Variants in PGBD5 observed in about 807,000 individuals in gnomAD.
PGBD5 encodes the protein piggyBac transposable element-derived protein 5.
A neutral mutation model predicts 47.9 loss-of-function variants in PGBD5; 14 were observed. That is an observed-to-expected ratio of 0.29 (90% CI 0.19 to 0.46). The LOEUF is 0.46. PGBD5 is among the 20% of genes least tolerant of loss of function. The pLI is 1.00. For missense variants in PGBD5, 635 were observed against 716.0 expected (o/e 0.89, Z 1.29); for synonymous variants, 316 against 306.3 (o/e 1.03, Z -0.33).
rs1381814847 is a variant in PGBD5, at chr1:230,314,939, C to G, written c.*8486G>C. ...CGGATTTCCTCATCATCAATGGCGG[C>G]TCTCCTGAACTAGGGATGAGTGTGA... On this transcript the variant is annotated 3_prime_UTR_variant, in exon 7 of 7. Coordinates refer to ENST00000391860, the MANE Select transcript of PGBD5 (RefSeq NM_001258311.2). The G allele has an allele frequency of 1.3e-5, 2 of 151,946 alleles. No homozygotes were observed. The allele number at this position is 151,946 out of a possible 1,614,324, so 9.4% of individuals were successfully genotyped here.
chr1:230,377,776 C>T (rs1037849887), intron 1 of PGBD5: 188 of 1,233,880 alleles, frequency 1.5e-4, no homozygotes, highest in East Asian at 6.5e-4. Context: ...GTGCAGCATC[C>T]GGCTCATACA....
rs192287635 is a variant in PGBD5 at position 230,382,024 on chromosome 1, T to C, written c.332-24703A>G. Among the ~76,000 whole-genome samples the C allele has an allele frequency of 1.6e-4, 23 of 148,184 alleles. No homozygotes were observed. The East Asian group carries it at 3.9e-3, about 25-fold the overall frequency. Reference sequence around the variant, plus strand: ...TGGATTCTCAAAGACTTTACATCTTTCTCATGCAAAGTTTTAACTTTCTAC... The same window carrying C: ...TGGATTCTCAAAGACTTTACATCTTCCTCATGCAAAGTTTTAACTTTCTAC... On this transcript the variant is annotated intron_variant, in intron 1 of 6. Coordinates refer to ENST00000391860, the MANE Select transcript of PGBD5 (RefSeq NM_001258311.2).
At chr1:230,340,494 C>G (rs1667393013) in intron 3 of PGBD5, among the ~76,000 whole-genome samples, 1 of 152,116 alleles carries the variant, frequency 6.6e-6, no homozygotes, top group African/African-American at 2.4e-5. Flanking sequence ...TGACTATACA[C>G]TCAAGCGGCT....
chr1:230,409,204 A>G (rs1657363674), intron 1 of PGBD5, among the ~76,000 whole-genome samples: 1 of 152,250 alleles, frequency 6.6e-6, no homozygotes, highest in Admixed American at 6.5e-5. Flanking sequence ...AACAACAGGC[A>G]TTAACAAGTG....
intron 1 of PGBD5, among the ~76,000 whole-genome samples, chr1:230,401,817 G>A (rs746115081): frequency 1.7e-4 from 26 of 152,172 alleles, no homozygotes; most frequent in Non-Finnish European, 2.9e-4. Context: ...ACAGGCAGGC[G>A]CGCTGCTCAC....
At chr1:230,383,963 T>A (rs369805807) in intron 1 of PGBD5, among the ~76,000 whole-genome samples, 17 of 152,292 alleles carry the variant, frequency 1.1e-4, no homozygotes, top group African/African-American at 3.4e-4. Context: ...TCCTCCCCTG[T>A]GACTTCGGGG....
chr1:230,414,271 G>T (rs931339330), intron 1 of PGBD5, among the ~76,000 whole-genome samples: 1 of 152,116 alleles, frequency 6.6e-6, no homozygotes, highest in African/African-American at 2.4e-5. Flanking sequence ...TGTGCACATC[G>T]CAATGCCTTT....
intron 1 of PGBD5, among the ~76,000 whole-genome samples, chr1:230,421,334 A>G (rs1657643749): frequency 6.6e-6 from 1 of 152,180 alleles, no homozygotes; most frequent in African/African-American, 2.4e-5. Context: ...AAAGCAATTC[A>G]TGTATAACCA....
chr1:230,408,695 A>T (rs1170710735), intron 1 of PGBD5, among the ~76,000 whole-genome samples: 3 of 152,220 alleles, frequency 2.0e-5, no homozygotes, highest in Non-Finnish European at 4.4e-5. Context: ...CTTACATCAT[A>T]TACCAAAAAA....
chr1:230,364,567 GTGTC>G (rs1315872912), intron 1 of PGBD5, among the ~76,000 whole-genome samples: 1 of 152,284 alleles, frequency 6.6e-6, no homozygotes, highest in Non-Finnish European at 1.5e-5. Context: ...GTGCACGTGT[GTGTC>G]TGTGCACTTG....
intron 1 of PGBD5, among the ~76,000 whole-genome samples, chr1:230,404,925 CAAAAAAA>C (rs57462323): frequency 1.5e-5 from 1 of 66,200 alleles, no homozygotes; most frequent in Non-Finnish European, 3.1e-5. Flanking sequence ...AACTCCATCT[CAAAAAAA>C]AAAAAAAAAA....
chr1:230,333,378 C>T (rs563809559), intron 4 of PGBD5, among the ~76,000 whole-genome samples: 32 of 152,304 alleles, frequency 2.1e-4, no homozygotes, highest in African/African-American at 7.5e-4. Flanking sequence ...CACAGCACTA[C>T]GCACGTGTAC....
intron 1 of PGBD5, among the ~76,000 whole-genome samples, chr1:230,413,266 G>C (rs527316642): frequency 6.6e-6 from 1 of 152,228 alleles, no homozygotes; most frequent in East Asian, 1.9e-4. Context: ...CTCCCACCCG[G>C]AACCAGACTC....
intron 2 of PGBD5, 112 bp downstream of exon 2, chr1:230,356,782 C>G (rs1250563178): frequency 8.6e-7 from 1 of 1,159,910 alleles, no homozygotes; most frequent in Non-Finnish European, 1.2e-6. Flanking sequence ...TTGAAGTGAA[C>G]TCAGAGGGCA....
At chr1:230,401,468 A>G (rs1657137480) in intron 1 of PGBD5, among the ~76,000 whole-genome samples, 2 of 152,206 alleles carry the variant, frequency 1.3e-5, no homozygotes, top group African/African-American at 4.8e-5. Context: ...GAGAAGCGTA[A>G]ATAGCAAACA....
chr1:230,351,226 T>C (rs1667556896), intron 2 of PGBD5, 134 bp from the exon 3 acceptor site: 3 of 961,156 alleles, frequency 3.1e-6, no homozygotes, highest in Non-Finnish European at 4.4e-6. Flanking sequence ...ACCTCTCTGA[T>C]CCTGACCCTT....
At chr1:230,378,900 C>T (rs1171134942) in intron 1 of PGBD5, among the ~76,000 whole-genome samples, 1 of 152,110 alleles carries the variant, frequency 6.6e-6, no homozygotes, top group Non-Finnish European at 1.5e-5. Flanking sequence ...AGAAAGCAGC[C>T]ATTGCCTGAG....
Position 230,315,686 on chromosome 1 carries a change from GTA to G in PGBD5, c.*7737_*7738del, listed in dbSNP as rs1434868841. On this transcript the variant is annotated 3_prime_UTR_variant, in exon 7 of 7. Coordinates refer to ENST00000391860, the MANE Select transcript of PGBD5 (RefSeq NM_001258311.2). ...TATTTTATCGTGTGTGTATGTGTGTGTATATTTACACACACATACACACAAGA... is the reference window on the plus strand; with the variant it reads ...TATTTTATCGTGTGTGTATGTGTGTGTATTTACACACACATACACACAAGA... The G allele has an allele frequency of 6.6e-6, 1 of 150,836 alleles. No individual in the cohort carries two copies. The highest frequency in any genetic ancestry group is 1.5e-5 in the Non-Finnish European group (1 of 67,720). The allele number at this position is 150,836 out of a possible 1,614,324, so 9.3% of individuals were successfully genotyped here. A position where few individuals can be genotyped will look rare whatever the true frequency, so the allele number is the denominator to read the frequency against.
Position 230,315,645 on chromosome 1 carries a change from C to T in PGBD5, c.*7780G>A, listed in dbSNP as rs1016080241. The T allele has an allele frequency of 6.6e-6, 1 of 151,698 alleles. No homozygotes were observed. Among genetic ancestry groups the T allele is most frequent in the East Asian group, 1.9e-4 (1 of 5,130 alleles). 9.4% of individuals were successfully genotyped at this position (151,698 alleles called of 1,614,324 possible). A position where few individuals can be genotyped will look rare whatever the true frequency, so the allele number is the denominator to read the frequency against. ...TGCTAAGGACCTAGCAGAGGCTCAT[C>T]ATGTGGTAGACTCTGTATTTTATCG... On this transcript the variant is annotated 3_prime_UTR_variant, in exon 7 of 7. Coordinates refer to ENST00000391860, the MANE Select transcript of PGBD5 (RefSeq NM_001258311.2).
Sources: gnomAD v4.1 joint callset for allele counts (sites outside exome capture counted in the v4.1 genomes callset) on GRCh38, gnomAD v4.1.1 for gene constraint, MANE v1.5 for transcripts, NCBI Gene and HGNC (gene_info 2026-07-23, HGNC 2026-07-21) for gene names.